Variants in SENP6 observed in about 807,000 individuals in gnomAD.
SENP6 encodes SUMO specific peptidase 6.
SENP6 carries 41 observed loss-of-function variants against 134.5 expected under a neutral mutation model. The observed-to-expected ratio is 0.30, with a 90% CI of 0.24 to 0.40. The LOEUF (loss-of-function observed/expected upper bound fraction) is 0.40. Among genes scored for constraint, SENP6 ranks in the 10% least tolerant of loss-of-function variants. SENP6 has a pLI of 1.00. For synonymous variants in SENP6, 395 were observed against 429.8 expected, an observed-to-expected ratio of 0.92 and a Z score of 1.00; for missense variants, 1,248 against 1,312.5, an observed-to-expected ratio of 0.95 and a Z score of 0.76.
intron 6 of SENP6, among the ~76,000 whole-genome samples, chr6:75,644,380 A>ACT (rs1770265639): frequency 6.6e-6 from 1 of 152,066 alleles, no homozygotes; most frequent in South Asian, 2.1e-4. Context: ...AAGAGAGGAG[A>ACT]CTAAGGAGAC....
chr6:75,647,840 A>G (rs1234030346), intron 7 of SENP6, 39 bp downstream of exon 7: 20 of 1,469,470 alleles, frequency 1.4e-5, no homozygotes, highest in Non-Finnish European at 1.8e-5. Flanking sequence ...AAGGATTTCA[A>G]ATTGCTGTAT....
intron 5 of SENP6, chr6:75,635,090 C>T (rs1769409731): frequency 2.2e-6 from 1 of 461,652 alleles, no homozygotes; most frequent in African/African-American, 2.0e-5. Context: ...ACAATATTGA[C>T]CTGAAAGTGT....
intron 10 of SENP6, among the ~76,000 whole-genome samples, chr6:75,669,071 C>T (rs189297800): frequency 4.6e-5 from 7 of 152,240 alleles, no homozygotes; most frequent in East Asian, 3.9e-4. Flanking sequence ...GAAAATAGGC[C>T]GGATGCGGTG....
chr6:75,697,422 C>A lies in SENP6; in HGVS notation c.2196-3C>A. 1 of 1,599,472 alleles carries A rather than the reference C, an allele frequency of 6.3e-7. No homozygotes were observed. The highest frequency in any genetic ancestry group is 8.5e-7 in the Non-Finnish European group (1 of 1,169,996). ...AAGCTTATAATTTATCTCTTTCTTA[C>A]AGAATACAGCAAAAACGGCATGGGA... On this transcript the variant is annotated splice_polypyrimidine_tract_variant and splice_region_variant and intron_variant, in intron 17 of 23. Transcript: ENST00000447266.
At chr6:75,640,167 C>T (rs1769914865) in intron 5 of SENP6, among the ~76,000 whole-genome samples, 1 of 152,176 alleles carries the variant, frequency 6.6e-6, no homozygotes, top group Admixed American at 6.5e-5. Flanking sequence ...TGTAGCAACA[C>T]TCTCGGGCAT....
In SENP6 at chr6:75,702,829, A is replaced by C. The variant is rs751994657; in HGVS notation, c.2473A>C (p.Lys825Gln). 6.2e-7 allele frequency: 1 copy of C among 1,614,166 alleles called. No individual in the cohort carries two copies. The highest frequency in any genetic ancestry group is 1.1e-5 in the South Asian group (1 of 91,072). Reference protein sequence around the residue: ...SQNSSAKPVIKKMLNKKHCIA... With the variant: ...SQNSSAKPVIQKMLNKKHCIA... ...AAACTCTTCTGCCAAGCCTGTAATT[A>C]AGAAGATGCTAAACAAAAAACATTG... Residue 825 changes from lysine (K) to glutamine (Q), a missense_variant, in exon 19 of 24, where the codon AAG becomes CAG. Physicochemically the swap from Lys to Gln is moderately conservative, Grantham distance 53. Coordinates refer to ENST00000447266, the MANE Select transcript of SENP6 (RefSeq NM_015571.4).
chr6:75,620,082 C>A (rs1404772361), intron 1 of SENP6, among the ~76,000 whole-genome samples: 270 of 127,726 alleles, frequency 2.1e-3, no homozygotes, highest in Middle Eastern at 4.3e-3. Context: ...TACCTTGCCT[C>A]AAAAAAAAAA....
rs940160252 is a variant in SENP6 at position 75,716,879 on chromosome 6, C to CT, written c.*1286dup. ...TATTTTATTTTTAATTTGGCCATCT[C>CT]TGACATTGCAGTCAATATCTTAGGG... On this transcript the variant is annotated 3_prime_UTR_variant, in exon 24 of 24. Coordinates refer to ENST00000447266, the MANE Select transcript of SENP6 (RefSeq NM_015571.4). 1.5e-4 allele frequency: 23 copies of CT among 151,902 alleles called. No individual in the cohort carries two copies. The highest frequency in any genetic ancestry group is 2.4e-4 in the African/African-American group (10 of 41,424). The allele number at this position is 151,902 out of a possible 1,614,324, so 9.4% of individuals were successfully genotyped here.
intron 23 of SENP6, 46 bp from the exon 24 acceptor site, chr6:75,715,339 G>A: frequency 7.5e-7 from 1 of 1,333,894 alleles, no homozygotes; most frequent in Admixed American, 2.0e-5. Context: ...TGAAATGAAA[G>A]GTTATTTATT....
intron 5 of SENP6, among the ~76,000 whole-genome samples, chr6:75,635,422 T>A (rs187292221): frequency 1.1e-3 from 169 of 152,282 alleles, no homozygotes; most frequent in African/African-American, 3.8e-3. Context: ...AAACAGTTCC[T>A]TATAACTAGT....
chr6:75,657,390 C>T (rs1188726712), intron 7 of SENP6, among the ~76,000 whole-genome samples: 2 of 152,152 alleles, frequency 1.3e-5, no homozygotes, highest in African/African-American at 4.8e-5. Flanking sequence ...TCTGTAACCT[C>T]AGATTTTAGA....
chr6:75,609,661 T>C (rs1767295757), intron 1 of SENP6, among the ~76,000 whole-genome samples: 11 of 152,196 alleles, frequency 7.2e-5, no homozygotes, highest in Admixed American at 7.2e-4. Flanking sequence ...AATCCAACTT[T>C]TGGACAGTTT....
intron 7 of SENP6, among the ~76,000 whole-genome samples, chr6:75,652,420 T>C (rs1299239586): frequency 6.6e-6 from 1 of 151,946 alleles, no homozygotes; most frequent in Non-Finnish European, 1.5e-5. Context: ...ATTTAAAATA[T>C]TATTACTGTA....
At chr6:75,659,646 C>G (rs925153931) in intron 8 of SENP6, among the ~76,000 whole-genome samples, 2 of 152,068 alleles carry the variant, frequency 1.3e-5, no homozygotes, top group Non-Finnish European at 2.9e-5. Flanking sequence ...AATGATTGCT[C>G]TCTGCCAGAA....
Position 75,675,458 on chromosome 6 carries a change from A to G in SENP6, c.1416A>G (p.Ile472Met), listed in dbSNP as rs747766034. Residue 472 changes from isoleucine to methionine, a missense_variant, in exon 12 of 24, where the codon ATA (isoleucine) becomes ATG (methionine). By Grantham distance (10) the Ile-to-Met change is conservative (BLOSUM62 1). This residue lies in a region of SENP6 where 733 missense variants were observed against 725.4 expected (regional missense o/e 1.01). Coordinates refer to ENST00000447266, the MANE Select transcript of SENP6 (RefSeq NM_015571.4). Reference sequence around the variant, plus strand: ...AGTTTTGTTTAGATTTTATCAAGATACAGCTAGACGGTAAGCTATTTTATG... The same window carrying G: ...AGTTTTGTTTAGATTTTATCAAGATGCAGCTAGACGGTAAGCTATTTTATG... ...PVIFCLDFIK[I>M]QLDEPDHDPV... is the part of the protein sequence containing the mutation. The G allele has an allele frequency of 2.5e-5, 37 of 1,457,396 alleles. No individual in the cohort carries two copies. Among genetic ancestry groups the G allele is most frequent in the Non-Finnish European group, 3.4e-5 (36 of 1,060,472 alleles). The allele number at this position is 1,457,396 out of a possible 1,614,324, so 90.3% of individuals were successfully genotyped here.
At chr6:75,714,831 AC>A (rs777985215) in intron 23 of SENP6, among the ~76,000 whole-genome samples, 1 of 152,200 alleles carries the variant, frequency 6.6e-6, no homozygotes, top group Non-Finnish European at 1.5e-5. Flanking sequence ...TGTCTGTCTA[AC>A]ATGTATTCAT....
chr6:75,682,952 C>T (rs971943211), intron 16 of SENP6, among the ~76,000 whole-genome samples: 7 of 152,168 alleles, frequency 4.6e-5, no homozygotes, highest in Admixed American at 3.3e-4. Flanking sequence ...AATGGTAATT[C>T]TAGTTCTAGA....
intron 6 of SENP6, among the ~76,000 whole-genome samples, chr6:75,644,673 C>T (rs974610851): frequency 4.6e-5 from 7 of 152,016 alleles, no homozygotes; most frequent in Admixed American, 6.5e-5. Flanking sequence ...TTAGTAGAGA[C>T]GGTGTTTCGC....
At chr6:75,637,934 C>T (rs867605874) in intron 5 of SENP6, among the ~76,000 whole-genome samples, 3 of 152,138 alleles carry the variant, frequency 2.0e-5, no homozygotes, top group East Asian at 3.9e-4. Flanking sequence ...GATCTCCACT[C>T]ACTGCAGCCT....
Sources: gnomAD v4.1 joint callset for allele counts (sites outside exome capture counted in the v4.1 genomes callset) on GRCh38, gnomAD v4.1.1 for gene constraint, gnomAD v4.1.1 regional missense constraint, MANE v1.5 for transcripts, NCBI Gene and HGNC (gene_info 2026-07-23, HGNC 2026-07-21) for gene names.